Variants in RIC3 observed in about 807,000 individuals in gnomAD.
RIC3 encodes the protein protein RIC-3.
RIC3 carries 28 observed loss-of-function variants against 27.3 expected under a neutral mutation model. That is an observed-to-expected ratio of 1.02 (90% CI 0.76 to 1.41). The LOEUF (loss-of-function observed/expected upper bound fraction) is 1.41, where lower values mean the gene tolerates loss of function less well. Ranked by LOEUF, RIC3 falls within the 40% of genes most tolerant of loss-of-function variation. RIC3 has a pLI of 0.00. For synonymous variants in RIC3, 184 were observed against 160.4 expected (o/e 1.15, Z -1.11); for missense variants, 501 against 444.7 (o/e 1.13, Z -1.14).
chr11:8,140,342 C>T (rs1368175480), intron 1 of RIC3, 149 bp from the exon 2 acceptor site: 3 of 687,372 alleles, frequency 4.4e-6, no homozygotes, highest in African/African-American at 3.6e-5. Context: ...AGAGGTATCA[C>T]ACATATCCTA....
rs78215952 is a variant in RIC3, at chr11:8,138,147, G to A, written c.427+125C>T. The A allele has an allele frequency of 0.011, 6,817 of 609,074 alleles. 354 individuals are homozygous for A. In the African/African-American group the frequency reaches 0.11, roughly 10 times the overall value. 37.7% of individuals were successfully genotyped at this position (609,074 alleles called of 1,614,324 possible). ...GAATTCCCAGAACTAAGGCAAAAAT[G>A]GCATCAGATTAATTTGGAGCAACTT... is the stretch of plus-strand genomic sequence containing the variant. On this transcript the variant is annotated intron_variant, in intron 3 of 5. Transcript: ENST00000309737.
chr11:8,125,203 G>A (rs555230889), intron 5 of RIC3, among the ~76,000 whole-genome samples: 132 of 150,546 alleles, frequency 8.8e-4, no homozygotes, highest in Non-Finnish European at 1.5e-3. Context: ...ACAGTGAGCC[G>A]AGATGGCACC....
chr11:8,123,222 C>T (rs145512488), intron 5 of RIC3, among the ~76,000 whole-genome samples: 2 of 151,564 alleles, frequency 1.3e-5, no homozygotes, highest in African/African-American at 4.8e-5. Context: ...ACTCACATGA[C>T]CTGTGGGGCA....
the RIC3 span, chr11:8,095,551 G>A: frequency 5.3e-5 from 85 of 1,613,152 alleles, no homozygotes; most frequent in Middle Eastern, 1.6e-3. Context: ...CCAAGGCCCA[G>A]TGCAGATTCT....
At chr11:8,163,052 T>C (rs145535359) in intron 1 of RIC3, among the ~76,000 whole-genome samples, 2,185 of 70,050 alleles carry the variant, frequency 0.031, 25 homozygotes, top group South Asian at 0.064. Context: ...CACACACACA[T>C]ACACACACAC....
chr11:8,139,619 G>T, intron 2 of RIC3: 1 of 223,006 alleles, frequency 4.5e-6, no homozygotes, highest in Admixed American at 5.2e-5. Flanking sequence ...ATTCCTTTTC[G>T]GCCTGTAAAG....
At chr11:8,097,877 G>A in the RIC3 span, 1 of 1,430,520 alleles carries the variant, frequency 7.0e-7, no homozygotes, top group African/African-American at 1.4e-5. Context: ...AGGGGCAGGG[G>A]CAAGCTGTCT....
chr11:8,154,038 T>G (rs932875174), intron 1 of RIC3, among the ~76,000 whole-genome samples: 6 of 152,306 alleles, frequency 3.9e-5, no homozygotes, highest in Admixed American at 2.0e-4. Flanking sequence ...TAAAACTGAA[T>G]AGCCCAGAAT....
intron 1 of RIC3, among the ~76,000 whole-genome samples, chr11:8,168,021 C>T (rs1191083790): frequency 6.6e-6 from 1 of 152,180 alleles, no homozygotes; most frequent in African/African-American, 2.4e-5. Context: ...CAGCAATCAA[C>T]AGTTTAAACA....
rs770262950 is a variant in RIC3, at chr11:8,111,141, G to A, written c.671-4C>T. The A allele has an allele frequency of 2.6e-6, 4 of 1,564,382 alleles. No individual in the cohort carries two copies. The highest frequency in any genetic ancestry group is 1.8e-5 in the Admixed American group (1 of 54,464). ...GGGTAAGTCTCTTCAGGGTAACCTA[G>A]AGAGAAAAGTAGCACAAAGTATTAC... is the stretch of plus-strand genomic sequence containing the variant. On this transcript the variant is annotated splice_region_variant and splice_polypyrimidine_tract_variant and intron_variant, in intron 5 of 5. Transcript: ENST00000309737.
At chr11:8,131,107 TTCACTCACTCAC>T (rs3060959) in intron 4 of RIC3, among the ~76,000 whole-genome samples, 184 of 149,534 alleles carry the variant, frequency 1.2e-3, no homozygotes, top group African/African-American at 3.5e-3. Flanking sequence ...CATTCATTCA[TTCACTCACTCAC>T]TCACTCACTC....
intron 3 of RIC3, 82 bp downstream of exon 3, chr11:8,138,190 G>C (rs1425934875): frequency 1.0e-6 from 1 of 965,020 alleles, no homozygotes; most frequent in African/African-American, 1.6e-5. Flanking sequence ...ATGCTTTTAA[G>C]ACATACCCAC....
intron 4 of RIC3, among the ~76,000 whole-genome samples, chr11:8,128,880 G>A (rs938758200): frequency 6.8e-5 from 10 of 146,596 alleles, no homozygotes; most frequent in Admixed American, 2.8e-4. Flanking sequence ...TCAGCCTCCC[G>A]CATAGCTGGG....
chr11:8,095,165 G>A, the RIC3 span, among the ~76,000 whole-genome samples: 1 of 152,208 alleles, frequency 6.6e-6, no homozygotes, highest in Non-Finnish European at 1.5e-5. Flanking sequence ...CCTTGCCTAT[G>A]GTCTGGATCA....
At chr11:8,099,595 CAT>C in the RIC3 span, among the ~76,000 whole-genome samples, 3 of 152,270 alleles carry the variant, frequency 2.0e-5, no homozygotes, top group East Asian at 5.8e-4. Flanking sequence ...AATGAACAGA[CAT>C]AAATGTATAC....
At chr11:8,161,567 T>G (rs539487565) in intron 1 of RIC3, among the ~76,000 whole-genome samples, 4 of 152,308 alleles carry the variant, frequency 2.6e-5, no homozygotes, top group Non-Finnish European at 5.9e-5. Flanking sequence ...AACTCCAGAG[T>G]GGATTCATCA....
downstream of RIC3, chr11:8,104,266 T>G (rs1157811056): frequency 6.6e-6 from 1 of 152,182 alleles, no homozygotes; most frequent in East Asian, 1.9e-4. Context: ...GGGAGTGAGT[T>G]TAGGCAGCTT....
intron 4 of RIC3, among the ~76,000 whole-genome samples, chr11:8,129,034 G>A (rs942138407): frequency 3.3e-5 from 5 of 151,994 alleles, no homozygotes; most frequent in African/African-American, 7.3e-5. Context: ...GATTACAGGC[G>A]TGAGCCACAG....
At chr11:8,133,209 T>G (rs7933122) in intron 4 of RIC3, among the ~76,000 whole-genome samples, 2,721 of 152,274 alleles carry the variant, frequency 0.018, 81 homozygotes, top group African/African-American at 0.061. Flanking sequence ...CATATGATGA[T>G]GCAGCAAGAA....
Sources: gnomAD v4.1 joint callset for allele counts (sites outside exome capture counted in the v4.1 genomes callset) on GRCh38, gnomAD v4.1.1 for gene constraint, MANE v1.5 for transcripts, NCBI Gene and HGNC (gene_info 2026-07-23, HGNC 2026-07-21) for gene names.